ALOX15B: variants seen among roughly 807,000 people sequenced by gnomAD.
The protein encoded by ALOX15B is arachidonate 15-lipoxygenase type B.
ALOX15B carries 74 observed loss-of-function variants against 73.8 expected under a neutral mutation model. The ratio of observed to expected loss-of-function variants is 1.00; its 90% CI spans 0.83 to 1.22. The LOEUF is 1.22. Among genes scored for constraint, ALOX15B ranks in the 50% most tolerant of loss-of-function variants. The pLI, the probability that ALOX15B is intolerant of heterozygous loss-of-function variation, is 0.00. For synonymous variants in ALOX15B, 353 were observed against 357.2 expected, an observed-to-expected ratio of 0.99 and a Z score of 0.13; for missense variants, 896 against 859.9, an observed-to-expected ratio of 1.04 and a Z score of -0.52.
In ALOX15B at chr17:8,039,124, G is replaced by T; in HGVS notation, c.-32G>T. 1.2e-6 allele frequency: 2 copies of T among 1,605,222 alleles called. No homozygotes were observed. The highest frequency in any genetic ancestry group is 2.2e-5 in the East Asian group (1 of 44,830). On this transcript the variant is annotated 5_prime_UTR_variant, in exon 1 of 14. Coordinates refer to ENST00000380183, the MANE Select transcript of ALOX15B (RefSeq NM_001141.3). ...GGGGAGCCCCGCTCTGCAGCCCTGT[G>T]CGCCGTAGAGAGCTGGACTTAGGCT...
chr17:8,041,800 CTA>C (rs775516005), intron 3 of ALOX15B, among the ~76,000 whole-genome samples: 10 of 152,224 alleles, frequency 6.6e-5, no homozygotes, highest in Non-Finnish European at 1.2e-4. Flanking sequence ...AAGTGCCTCT[CTA>C]TGGGACACCT....
Position 8,039,450 on chromosome 17 carries a change from A to T in ALOX15B, c.212A>T (p.Lys71Met), listed in dbSNP as rs776161988. 18 of 1,608,506 alleles carry T rather than the reference A, an allele frequency of 1.1e-5. No homozygotes were observed. The highest frequency in any genetic ancestry group is 1.5e-5 in the Non-Finnish European group (18 of 1,178,258). Reference protein sequence around the residue: ...VGRVLLLRVHKAPPVLPLLGP... With the variant: ...VGRVLLLRVHMAPPVLPLLGP... ...CGAGTGCTGCTGCTGCGCGTGCACAAGGCGCCCCCAGTGCTGCCCCTGCTG... is the reference window on the plus strand; with the variant it reads ...CGAGTGCTGCTGCTGCGCGTGCACATGGCGCCCCCAGTGCTGCCCCTGCTG... Residue 71 changes from lysine to methionine, a missense_variant, in exon 2 of 14, where the codon AAG becomes ATG. Physicochemically the swap from Lys to Met is moderately conservative, Grantham distance 95. Transcript: ENST00000380183.
At chr17:8,042,530 TG>T in intron 4 of ALOX15B, 39 bp downstream of exon 4, 1 of 1,607,512 alleles carries the variant, frequency 6.2e-7, no homozygotes, top group Non-Finnish European at 8.5e-7. Flanking sequence ...GGGCCTCAGA[TG>T]CCCTATGACC....
At chr17:8,039,729 G>T in intron 2 of ALOX15B, 124 bp downstream of exon 2, 1 of 1,229,998 alleles carries the variant, frequency 8.1e-7, no homozygotes, top group Non-Finnish European at 1.1e-6. Context: ...AGCGGGCAGA[G>T]GAGAGGGAAT....
In ALOX15B at chr17:8,039,556, C is replaced by T. The variant is rs1250587099; in HGVS notation, c.318C>T (p.Cys106=). Residue 106 remains cysteine (C), a synonymous_variant, in exon 2 of 14, where the codon TGC becomes TGT. Coordinates refer to ENST00000380183, the MANE Select transcript of ALOX15B (RefSeq NM_001141.3). ...GGGGCGGCCACCTCCTCTTCCCCTGCTACCAGTGGCTGGAGGGGGCGGGGA... is the reference window on the plus strand; with the variant it reads ...GGGGCGGCCACCTCCTCTTCCCCTGTTACCAGTGGCTGGAGGGGGCGGGGA... ...PPRGGHLLFP[C]YQWLEGAGTL... 1 of 1,538,890 alleles carries T rather than the reference C, an allele frequency of 6.5e-7. No individual in the cohort carries two copies. Among genetic ancestry groups the T allele is most frequent in the East Asian group, 2.4e-5 (1 of 40,892 alleles).
In ALOX15B at chr17:8,044,990, G is replaced by A. The variant is rs1012206869; in HGVS notation, c.838G>A (p.Ala280Thr). 1.2e-6 allele frequency: 2 copies of A among 1,614,124 alleles called. No homozygotes were observed. Among genetic ancestry groups the A allele is most frequent in the Non-Finnish European group, 8.5e-7 (1 of 1,180,008 alleles). Residue 280 changes from alanine (A) to threonine (T), a missense_variant, in exon 6 of 14, where the codon GCT becomes ACT. By Grantham distance (58) the Ala-to-Thr change is moderately conservative (BLOSUM62 0). Transcript: ENST00000380183. ...SVLGPGTSLQ[A>T]ELEKGSLFLV... ...GTTGGGTCCTGGGACCAGCTTGCAG[G>A]CTGAGCTAGAGGTGAGGGGTGCAGG...
chr17:8,043,913 A>G (rs964666678), intron 5 of ALOX15B, among the ~76,000 whole-genome samples: 25 of 152,154 alleles, frequency 1.6e-4, no homozygotes, highest in African/African-American at 6.0e-4. Context: ...TACTAAAAAT[A>G]CAAAACTTAG....
chr17:8,042,685 G>A, intron 4 of ALOX15B, 96 bp from the exon 5 acceptor site: 2 of 1,358,738 alleles, frequency 1.5e-6, no homozygotes, highest in East Asian at 5.0e-5. Flanking sequence ...TGGGCCCGGA[G>A]GCTGGTTCAG....
intron 3 of ALOX15B, among the ~76,000 whole-genome samples, chr17:8,040,658 AAG>A (rs1209729563): frequency 8.0e-5 from 12 of 149,692 alleles, no homozygotes; most frequent in Non-Finnish European, 1.6e-4. Flanking sequence ...AAAGAAAAGA[AAG>A]AGAAAGAAAC....
At chr17:8,046,804 C>T (rs748197645) in intron 9 of ALOX15B, 50 bp downstream of exon 9, 19 of 1,611,966 alleles carry the variant, frequency 1.2e-5, no homozygotes, top group Admixed American at 3.3e-5. Context: ...TTCAATGTGA[C>T]GAATTTGAGG....
chr17:8,039,155 C>A lies in ALOX15B; in HGVS notation c.-1C>A. On this transcript the variant is annotated 5_prime_UTR_variant, in exon 1 of 14. Coordinates refer to ENST00000380183, the MANE Select transcript of ALOX15B (RefSeq NM_001141.3). ...TAGAGAGCTGGACTTAGGCTGGCAG[C>A]ATGGCCGAGTTCAGGGTCAGGGTGT... is the stretch of plus-strand genomic sequence containing the variant. 2 of 1,612,746 alleles carry A rather than the reference C, an allele frequency of 1.2e-6. No homozygotes were observed. Among genetic ancestry groups the A allele is most frequent in the Non-Finnish European group, 1.7e-6 (2 of 1,179,448 alleles).
chr17:8,047,540 A>G, intron 11 of ALOX15B, 24 bp from the exon 12 acceptor site: 58 of 1,578,724 alleles, frequency 3.7e-5, no homozygotes, highest in Non-Finnish European at 5.0e-5. Context: ...TGGAAGCCCC[A>G]TCCCAGCCCA....
At chr17:8,040,615 G>GAA (rs1251027846) in intron 3 of ALOX15B, among the ~76,000 whole-genome samples, 2 of 123,292 alleles carry the variant, frequency 1.6e-5, no homozygotes, top group African/African-American at 5.6e-5. Flanking sequence ...AAGAAAGAAA[G>GAA]AAAGAAAGAA....
rs747862364 is a variant in ALOX15B at position 8,047,285 on chromosome 17, C to G, written c.1485C>G (p.Tyr495Ter). The G allele has an allele frequency of 3.1e-6, 5 of 1,614,084 alleles. No individual in the cohort carries two copies. Among genetic ancestry groups the G allele is most frequent in the Non-Finnish European group, 4.2e-6 (5 of 1,179,998 alleles). The change falls in exon 11 of 14, where the codon TAC becomes TAG. Residue 495 changes from tyrosine to a stop codon, truncating the protein, a stop_gained. Coordinates refer to ENST00000380183, the MANE Select transcript of ALOX15B (RefSeq NM_001141.3). LOFTEE classifies it high-confidence loss of function. ...ERFVSEIIGI[Y>*]YPSDESVQDD... The stretch of plus-strand genomic sequence containing the variant: ...TTGTCTCTGAAATCATCGGTATCTA[C>G]TACCCAAGTGATGAGTCTGTCCAAG...
intron 10 of ALOX15B, 28 bp downstream of exon 10, chr17:8,047,104 G>C (rs779544200): frequency 6.2e-7 from 1 of 1,612,712 alleles, no homozygotes; most frequent in Non-Finnish European, 8.5e-7. Flanking sequence ...GAGAGCCGAG[G>C]GCTGGTCGGG....
chr17:8,040,740 G>A (rs912205183), intron 3 of ALOX15B, among the ~76,000 whole-genome samples: 8 of 151,722 alleles, frequency 5.3e-5, no homozygotes, highest in African/African-American at 1.9e-4. Flanking sequence ...GGCTTGTTGT[G>A]TCCTCCCAGA....
rs59973630 is a variant in ALOX15B, at chr17:8,048,999, G to A, written c.*434G>A. On this transcript the variant is annotated 3_prime_UTR_variant, in exon 14 of 14. Coordinates refer to ENST00000380183, the MANE Select transcript of ALOX15B (RefSeq NM_001141.3). Reference sequence around the variant, plus strand: ...GAAGTGGCTGCCAAAGAGACTGGGCGCAGTGGCTCATGCCCATAATCCCAG... The same window carrying A: ...GAAGTGGCTGCCAAAGAGACTGGGCACAGTGGCTCATGCCCATAATCCCAG... The A allele has an allele frequency of 0.019, 2,886 of 155,496 alleles. 98 individuals are homozygous for A. Among genetic ancestry groups the A allele is most frequent in the African/African-American group, 0.066 (2,739 of 41,626 alleles). 9.6% of individuals were successfully genotyped at this position (155,496 alleles called of 1,614,324 possible).
In ALOX15B at chr17:8,047,451, G is replaced by A. The variant is rs542391362; in HGVS notation, c.1579+72G>A. 1.3e-4 allele frequency: 213 copies of A among 1,593,364 alleles called. 2 individuals carry two copies. In the South Asian group the frequency reaches 2.2e-3, roughly 16 times the overall value. ...GTGTCCCCCACCCCCTGCAGAGCACGCATTTGAGTGGCCCCGTCCCCGTGT... is the reference window on the plus strand; with the variant it reads ...GTGTCCCCCACCCCCTGCAGAGCACACATTTGAGTGGCCCCGTCCCCGTGT... On this transcript the variant is annotated intron_variant, in intron 11 of 13. Transcript: ENST00000380183.
chr17:8,047,232 T>C (rs1450079954), intron 10 of ALOX15B, 26 bp from the exon 11 acceptor site: 2 of 1,613,752 alleles, frequency 1.2e-6, no homozygotes, highest in Non-Finnish European at 1.7e-6. Flanking sequence ...GGTTGGAGGC[T>C]GGACCTGAAC....
Sources: allele counts gnomAD v4.1 joint callset (sites outside exome capture counted in the v4.1 genomes callset), GRCh38; gene constraint gnomAD v4.1.1; transcripts MANE v1.5; gene names NCBI Gene and HGNC (gene_info 2026-07-23, HGNC 2026-07-21).